The following ANAPC4 variants were observed in gnomAD, a reference collection of about 807,000 sequenced individuals.
ANAPC4 encodes the protein anaphase promoting complex subunit 4.
Under a neutral mutation model 119.8 loss-of-function variants are expected in ANAPC4, and 63 were observed. The ratio of observed to expected loss-of-function variants is 0.53; its 90% CI spans 0.43 to 0.65. The LOEUF (loss-of-function observed/expected upper bound fraction) is 0.65. Among genes scored for constraint, ANAPC4 ranks in the 30% least tolerant of loss-of-function variants. ANAPC4 has a pLI of 0.00. For synonymous variants in ANAPC4, 283 were observed against 318.6 expected, an observed-to-expected ratio of 0.89 and a Z score of 1.19; for missense variants, 716 against 945.1, an observed-to-expected ratio of 0.76 and a Z score of 3.18.
At chr4:25,387,477 G>A (rs1174937773) in intron 4 of ANAPC4, among the ~76,000 whole-genome samples, 1 of 152,178 alleles carries the variant, frequency 6.6e-6, no homozygotes, top group Non-Finnish European at 1.5e-5. Flanking sequence ...ATCAGATAAT[G>A]AAGGATTACA....
intron 14 of ANAPC4, 37 bp from the exon 15 acceptor site, chr4:25,396,627 G>A (rs752938313): frequency 3.3e-5 from 48 of 1,440,570 alleles, no homozygotes; most frequent in Middle Eastern, 1.8e-4. Context: ...CTTGATGATC[G>A]TCATGATACT....
intron 3 of ANAPC4, among the ~76,000 whole-genome samples, chr4:25,381,979 G>C (rs576652021): frequency 4.1e-4 from 62 of 152,314 alleles, no homozygotes; most frequent in African/African-American, 1.5e-3. Context: ...AGATAACTTA[G>C]AGATGACAGT....
At chr4:25,398,931 G>C (rs1439655273) in intron 16 of ANAPC4, among the ~76,000 whole-genome samples, 1 of 151,394 alleles carries the variant, frequency 6.6e-6, no homozygotes, top group Non-Finnish European at 1.5e-5. Context: ...GGTTTAGGGA[G>C]GGGGAGTGTA....
intron 16 of ANAPC4, among the ~76,000 whole-genome samples, chr4:25,401,627 G>A (rs576626581): frequency 2.0e-5 from 3 of 152,342 alleles, no homozygotes; most frequent in South Asian, 2.1e-4. Flanking sequence ...CGTGCACTGC[G>A]TGGCACAGGG....
Position 25,396,757 on chromosome 4 carries a change from A to G in ANAPC4, c.1155A>G (p.Gly385=). ...AACCTCTTGGACTAGATGCTGCAGG[A>G]ATCGAAGGTAGTGATTTAATTTCTC... ...KYEPLGLDAA[G]IEEAITAVGS... is the part of the protein sequence containing the mutation. Residue 385 remains glycine, a synonymous_variant, in exon 15 of 29, where the codon GGA becomes GGG. Transcript: ENST00000315368. 1 of 1,613,012 alleles carries G rather than the reference A, an allele frequency of 6.2e-7. No individual in the cohort carries two copies. Among genetic ancestry groups the G allele is most frequent in the Non-Finnish European group, 8.5e-7 (1 of 1,179,636 alleles).
intron 4 of ANAPC4, among the ~76,000 whole-genome samples, chr4:25,385,562 A>G (rs1721986091): frequency 6.6e-6 from 1 of 152,202 alleles, no homozygotes; most frequent in African/African-American, 2.4e-5. Flanking sequence ...AACTTTCTCC[A>G]TATCAGCAGT....
In ANAPC4 at chr4:25,390,910, G is replaced by C; in HGVS notation, c.601-1G>C. 1 of 1,610,616 alleles carries C rather than the reference G, an allele frequency of 6.2e-7. No individual in the cohort carries two copies. On this transcript the variant is annotated splice_acceptor_variant, in intron 8 of 28. Coordinates refer to ENST00000315368, the MANE Select transcript of ANAPC4 (RefSeq NM_013367.3). LOFTEE classifies it high-confidence loss of function. Reference sequence around the variant, plus strand: ...TACTAAGGGGTTTGACTCTTTTACAGATTGCTGGTACTTGTCTTGCATTAT... The same window carrying C: ...TACTAAGGGGTTTGACTCTTTTACACATTGCTGGTACTTGTCTTGCATTAT...
At chr4:25,379,879 C>T (rs1333555121) in intron 2 of ANAPC4, among the ~76,000 whole-genome samples, 5 of 152,036 alleles carry the variant, frequency 3.3e-5, no homozygotes, top group African/African-American at 1.2e-4. Context: ...TGCAACGGGG[C>T]AGTCATAGAG....
At chr4:25,416,697 CGTT>C in intron 27 of ANAPC4, 99 bp downstream of exon 27, 1 of 1,017,312 alleles carries the variant, frequency 9.8e-7, no homozygotes. Flanking sequence ...ATGGTTATTT[CGTT>C]ACTAGAGATA....
chr4:25,380,996 A>G (rs1721684238), intron 3 of ANAPC4, among the ~76,000 whole-genome samples: 1 of 152,168 alleles, frequency 6.6e-6, no homozygotes, highest in Admixed American at 6.5e-5. Flanking sequence ...CTTACGTTAA[A>G]GCCTGTTATG....
intron 11 of ANAPC4, 57 bp downstream of exon 11, chr4:25,393,948 T>A: frequency 7.5e-7 from 1 of 1,329,758 alleles, no homozygotes; most frequent in Non-Finnish European, 1.0e-6. Flanking sequence ...TGTATGTCTT[T>A]ACCTTGAGGT....
chr4:25,389,075 C>T (rs1722196393), intron 7 of ANAPC4, among the ~76,000 whole-genome samples, 193 bp downstream of exon 7: 1 of 152,090 alleles, frequency 6.6e-6, no homozygotes, highest in South Asian at 2.1e-4. Flanking sequence ...ACTACAACCT[C>T]TACTTCCTGG....
At chr4:25,409,664 G>C in intron 20 of ANAPC4, 34 bp from the exon 21 acceptor site, 1 of 1,492,998 alleles carries the variant, frequency 6.7e-7, no homozygotes, top group Non-Finnish European at 9.2e-7. Flanking sequence ...TTCCAGGTAT[G>C]AATAAACTTA....
At chr4:25,391,062 C>T (rs1722323388) in intron 9 of ANAPC4, 47 bp downstream of exon 9, 2 of 1,392,034 alleles carry the variant, frequency 1.4e-6, no homozygotes, top group Admixed American at 1.8e-5. Context: ...ATGTATTTAA[C>T]AGGTTTTATA....
chr4:25,392,750 C>G (rs544737101), intron 10 of ANAPC4, among the ~76,000 whole-genome samples: 1 of 152,188 alleles, frequency 6.6e-6, no homozygotes, highest in Non-Finnish European at 1.5e-5. Context: ...CAAATTACCT[C>G]CCAATTCTGT....
chr4:25,377,359 G>T lies in ANAPC4; in HGVS notation c.-11+15G>T. 1 of 1,590,378 alleles carries T rather than the reference G, an allele frequency of 6.3e-7. No homozygotes were observed. Among genetic ancestry groups the T allele is most frequent in the Non-Finnish European group, 8.6e-7 (1 of 1,168,394 alleles). The stretch of plus-strand genomic sequence containing the variant: ...GACTCTTGCAGGTACAGGCGCGGTC[G>T]GGGCTCCTCGTGGAGAGCCGGGGGC... On this transcript the variant is annotated intron_variant, in intron 1 of 28. Transcript: ENST00000315368.
intron 14 of ANAPC4, among the ~76,000 whole-genome samples, chr4:25,395,735 C>CCACCACA (rs1722611793): frequency 1.3e-5 from 2 of 152,280 alleles, no homozygotes; most frequent in African/African-American, 2.4e-5. Flanking sequence ...CAGGCATGAG[C>CCACCACA]CACCACACCT....
At chr4:25,388,112 C>A (rs1017441397) in intron 4 of ANAPC4, among the ~76,000 whole-genome samples, 1 of 152,078 alleles carries the variant, frequency 6.6e-6, no homozygotes, top group Non-Finnish European at 1.5e-5. Context: ...CTGGGTGAGA[C>A]CCTGTCTCAT....
intron 4 of ANAPC4, among the ~76,000 whole-genome samples, chr4:25,385,408 A>G (rs1050512706): frequency 2.0e-5 from 3 of 152,140 alleles, no homozygotes; most frequent in Non-Finnish European, 4.4e-5. Flanking sequence ...CACTTTCTTC[A>G]GTGATTTAGC....
Sources: gnomAD v4.1 joint callset for allele counts (sites outside exome capture counted in the v4.1 genomes callset) on GRCh38, gnomAD v4.1.1 for gene constraint, MANE v1.5 for transcripts, NCBI Gene and HGNC (gene_info 2026-07-23, HGNC 2026-07-21) for gene names.